The following IQCJ variants were observed in gnomAD, a reference collection of about 807,000 sequenced individuals.
The protein encoded by IQCJ is IQ motif containing J, also known as IQ domain-containing protein J.
A neutral mutation model predicts 11.0 loss-of-function variants in IQCJ; 9 were observed. The ratio of observed to expected loss-of-function variants is 0.82; its 90% CI spans 0.49 to 1.43. The LOEUF (loss-of-function observed/expected upper bound fraction) is 1.43. Ranked by LOEUF, IQCJ falls within the 40% of genes most tolerant of loss-of-function variation. The pLI, the probability that IQCJ is intolerant of heterozygous loss-of-function variation, is 0.00. For synonymous variants in IQCJ, 55 were observed against 51.3 expected, an observed-to-expected ratio of 1.07 and a Z score of -0.31; for missense variants, 146 against 133.2, an observed-to-expected ratio of 1.10 and a Z score of -0.47.
chr3:159,189,377 CA>C (rs1214230228), intron 1 of IQCJ, among the ~76,000 whole-genome samples: 2 of 152,184 alleles, frequency 1.3e-5, no homozygotes, highest in African/African-American at 4.8e-5. Flanking sequence ...CTATAATTAA[CA>C]AATCAACGTT....
chr3:159,219,840 C>T (rs950916402), intron 1 of IQCJ, among the ~76,000 whole-genome samples: 3 of 152,094 alleles, frequency 2.0e-5, no homozygotes, highest in African/African-American at 4.8e-5. Flanking sequence ...CACATCCAAG[C>T]CTGCAGTGCT....
chr3:159,181,660 C>T (rs1316613354), intron 1 of IQCJ, among the ~76,000 whole-genome samples: 1 of 151,594 alleles, frequency 6.6e-6, no homozygotes, highest in Non-Finnish European at 1.5e-5. Flanking sequence ...CAGTGAATTG[C>T]TTCATCTACC....
At chr3:159,112,219 G>A (rs58563794) in intron 1 of IQCJ, among the ~76,000 whole-genome samples, 55,478 of 151,940 alleles carry the variant, frequency 0.37, 11,335 homozygotes, top group Non-Finnish European at 0.48. Context: ...TAAGGATCTC[G>A]TTAGCTCCTT....
At position 159,091,674 on chromosome 3, in the gene IQCJ, G is replaced by GCGCGCGCA. The variant is rs1309106648; in HGVS notation, c.9+22234_9+22235insGCGCGCAC. ...CACACACACACACACACACACGCAT[G>GCGCGCGCA]CACACACACACACACACACACACAC... On this transcript the variant is annotated intron_variant, in intron 1 of 3. Coordinates refer to ENST00000397832, the MANE Select transcript of IQCJ (RefSeq NM_001042706.3). Among the ~76,000 whole-genome samples, 438 of 81,302 alleles carry GCGCGCGCA rather than the reference G, an allele frequency of 5.4e-3. 14 individuals are homozygous for GCGCGCGCA. The highest frequency in any genetic ancestry group is 0.035 in the African/African-American group (421 of 12,078). The allele number at this position is 81,302 out of a possible 152,430, so 53.3% of individuals were successfully genotyped here. A position where few individuals can be genotyped will look rare whatever the true frequency, so the allele number is the denominator to read the frequency against.
chr3:159,149,180 C>T (rs755640661), intron 1 of IQCJ, among the ~76,000 whole-genome samples: 3 of 152,276 alleles, frequency 2.0e-5, no homozygotes, highest in South Asian at 2.1e-4. Flanking sequence ...GGTGCTCACA[C>T]GGGCACAATC....
rs80111763 is a variant in IQCJ at position 159,258,550 on chromosome 3, G to C, written c.156-3998G>C. Among the ~76,000 whole-genome samples, 115 of 152,230 alleles carry C rather than the reference G, an allele frequency of 7.6e-4. No individual in the cohort carries two copies. In the East Asian group the frequency reaches 0.021, roughly 28 times the overall value. On this transcript the variant is annotated intron_variant, in intron 3 of 3. Coordinates refer to ENST00000397832, the MANE Select transcript of IQCJ (RefSeq NM_001042706.3). ...TTCACTTGTGGTAAGGATTGAATGAGAGAATCAACACAAAAAAGAGCTCTA... is the reference window on the plus strand; with the variant it reads ...TTCACTTGTGGTAAGGATTGAATGACAGAATCAACACAAAAAAGAGCTCTA...
chr3:159,142,421 T>TA (rs1303700805), intron 1 of IQCJ, among the ~76,000 whole-genome samples: 1 of 74,166 alleles, frequency 1.3e-5, no homozygotes, highest in African/African-American at 5.8e-5. Flanking sequence ...GGGCAGGTCT[T>TA]TTCCCCCCCC....
At chr3:159,120,078 A>G (rs1299628316) in intron 1 of IQCJ, among the ~76,000 whole-genome samples, 3 of 152,196 alleles carry the variant, frequency 2.0e-5, no homozygotes, top group South Asian at 2.1e-4. Flanking sequence ...GCATTACTAC[A>G]TAGTCAAAAA....
intron 1 of IQCJ, among the ~76,000 whole-genome samples, chr3:159,086,966 T>C (rs1383143258): frequency 1.3e-5 from 2 of 151,906 alleles, no homozygotes; most frequent in Non-Finnish European, 2.9e-5. Context: ...TGAATAGGAG[T>C]GGTGAGAGAG....
At chr3:159,163,623 C>A (rs370529690) in intron 1 of IQCJ, among the ~76,000 whole-genome samples, 1 of 152,274 alleles carries the variant, frequency 6.6e-6, no homozygotes, top group East Asian at 1.9e-4. Context: ...CCTAGGCCTC[C>A]CAAAGTGCTG....
chr3:159,124,367 G>T (rs1056286554), intron 1 of IQCJ, among the ~76,000 whole-genome samples: 1 of 152,128 alleles, frequency 6.6e-6, no homozygotes, highest in Non-Finnish European at 1.5e-5. Flanking sequence ...GGCTGCAATG[G>T]TTACTATGAG....
chr3:159,201,867 AT>A (rs752788675), intron 1 of IQCJ, among the ~76,000 whole-genome samples: 5 of 151,952 alleles, frequency 3.3e-5, no homozygotes, highest in African/African-American at 7.3e-5. Context: ...CAGGTCACTT[AT>A]TTATTGGGCA....
intron 2 of IQCJ, among the ~76,000 whole-genome samples, chr3:159,252,352 G>T (rs1205348679): frequency 1.3e-5 from 2 of 152,212 alleles, no homozygotes; most frequent in African/African-American, 4.8e-5. Context: ...TACTGGGGAT[G>T]AGTAAGGTCT....
chr3:159,212,670 T>C (rs2108095471), intron 1 of IQCJ, among the ~76,000 whole-genome samples: 1 of 152,352 alleles, frequency 6.6e-6, no homozygotes, highest in Non-Finnish European at 1.5e-5. Context: ...CAGCCCACTG[T>C]CTAGCTGAGT....
intron 1 of IQCJ, among the ~76,000 whole-genome samples, chr3:159,078,066 C>T (rs1442076447): frequency 1.2e-5 from 1 of 82,998 alleles, no homozygotes; most frequent in African/African-American, 3.0e-5. Context: ...ACAGGAGACT[C>T]TTAAGTCCTG....
chr3:159,226,982 G>T (rs1230095303), intron 1 of IQCJ, among the ~76,000 whole-genome samples: 1 of 152,158 alleles, frequency 6.6e-6, no homozygotes, highest in Non-Finnish European at 1.5e-5. Context: ...AGGTGAACAG[G>T]ATGCCATTTA....
chr3:159,101,880 A>G (rs61796008), intron 1 of IQCJ, among the ~76,000 whole-genome samples: 29,366 of 152,190 alleles, frequency 0.19, 3,518 homozygotes, highest in South Asian at 0.35. Context: ...AAACATTTCT[A>G]TCCAATCTCC....
intron 1 of IQCJ, among the ~76,000 whole-genome samples, chr3:159,106,668 C>G (rs1718284071): frequency 6.6e-6 from 1 of 152,142 alleles, no homozygotes; most frequent in Non-Finnish European, 1.5e-5. Flanking sequence ...CAATTAAATT[C>G]AATTATAACA....
At chr3:159,110,941 G>C (rs1718586271) in intron 1 of IQCJ, among the ~76,000 whole-genome samples, 1 of 152,182 alleles carries the variant, frequency 6.6e-6, no homozygotes, top group Admixed American at 6.5e-5. Flanking sequence ...GTGGACAATA[G>C]AGACGAAAAG....
Sources: gnomAD v4.1 joint callset for allele counts (sites outside exome capture counted in the v4.1 genomes callset) on GRCh38, gnomAD v4.1.1 for gene constraint, MANE v1.5 for transcripts, NCBI Gene and HGNC (gene_info 2026-07-23, HGNC 2026-07-21) for gene names.